KIF16B: variants seen among roughly 807,000 people sequenced by gnomAD.
The protein encoded by KIF16B is kinesin family member 16B.
In KIF16B, 98 loss-of-function variants were observed where a neutral mutation model predicts 156.3. The observed-to-expected ratio is 0.63, with a 90% CI of 0.53 to 0.74. The LOEUF (loss-of-function observed/expected upper bound fraction) is 0.74. Among genes scored for constraint, KIF16B ranks in the 30% least tolerant of loss-of-function variants. KIF16B has a pLI of 0.00. For missense variants in KIF16B, 1,421 were observed against 1,606.5 expected (o/e 0.88, Z 1.97); for synonymous variants, 564 against 583.7 (o/e 0.97, Z 0.49).
At chr20:16,324,882 C>T (rs1340393034) in intron 24 of KIF16B, among the ~76,000 whole-genome samples, 4 of 151,930 alleles carry the variant, frequency 2.6e-5, no homozygotes, top group Non-Finnish European at 5.9e-5. Flanking sequence ...CCCTGATGAA[C>T]ATAGATGCAA....
At chr20:16,433,128 A>G (rs1383562182) in intron 12 of KIF16B, among the ~76,000 whole-genome samples, 1 of 152,194 alleles carries the variant, frequency 6.6e-6, no homozygotes, top group African/African-American at 2.4e-5. Context: ...TTTTTTAAAG[A>G]CATATATTAC....
At chr20:16,431,308 C>A (rs933900486) in intron 12 of KIF16B, among the ~76,000 whole-genome samples, 11 of 152,188 alleles carry the variant, frequency 7.2e-5, no homozygotes, top group Admixed American at 3.3e-4. Flanking sequence ...AATAGCCTCC[C>A]ATTTCAGTGA....
At chr20:16,358,602 C>G (rs2064491218) in intron 22 of KIF16B, among the ~76,000 whole-genome samples, 1 of 152,228 alleles carries the variant, frequency 6.6e-6, no homozygotes, top group Admixed American at 6.5e-5. Context: ...ATTCCAACTA[C>G]ATGGGAGGGA....
chr20:16,541,683 G>A (rs1367850796), intron 1 of KIF16B, among the ~76,000 whole-genome samples: 1 of 152,228 alleles, frequency 6.6e-6, no homozygotes. Flanking sequence ...TGGGAGTATA[G>A]CAAGCAGGGT....
At chr20:16,367,970 A>C (rs971302996) in intron 22 of KIF16B, 2 of 1,439,558 alleles carry the variant, frequency 1.4e-6, no homozygotes. Context: ...ATGCTCATTG[A>C]GCCGAGATTA....
chr20:16,378,780 C>T (rs1366102028), intron 19 of KIF16B, 25 bp downstream of exon 19: 4 of 1,565,920 alleles, frequency 2.6e-6, no homozygotes, highest in Non-Finnish European at 2.6e-6. Context: ...CCACTGTATG[C>T]CACACCCTTC....
chr20:16,366,735 G>A, intron 22 of KIF16B: 1 of 564,130 alleles, frequency 1.8e-6, no homozygotes, highest in Non-Finnish European at 2.3e-6. Flanking sequence ...TGTCAATGAA[G>A]GTCACTGCTA....
At chr20:16,573,152 G>T in intron 1 of KIF16B, 77 bp downstream of exon 1, 1 of 1,398,224 alleles carries the variant, frequency 7.2e-7, no homozygotes, top group Non-Finnish European at 9.9e-7. Flanking sequence ...GTCCAGGCTG[G>T]CTTTGGGGGA....
intron 12 of KIF16B, among the ~76,000 whole-genome samples, chr20:16,479,381 G>A (rs1297135128): frequency 6.6e-6 from 1 of 152,066 alleles, no homozygotes; most frequent in Non-Finnish European, 1.5e-5. Context: ...CAGGGGGAGG[G>A]AGAGCATCAG....
chr20:16,430,084 C>T, intron 12 of KIF16B, 102 bp from the exon 13 acceptor site: 1 of 1,245,868 alleles, frequency 8.0e-7, no homozygotes. Context: ...TTTTATTTCT[C>T]ATCTAAAAAA....
intron 19 of KIF16B, 94 bp downstream of exon 19, chr20:16,378,711 T>TAAA: frequency 2.7e-6 from 3 of 1,119,804 alleles, no homozygotes; most frequent in Non-Finnish European, 3.7e-6. Flanking sequence ...AAGAATAAGT[T>TAAA]AAAAAAAAAA....
intron 25 of KIF16B, among the ~76,000 whole-genome samples, chr20:16,309,420 C>A (rs1166882365): frequency 6.6e-6 from 1 of 152,176 alleles, no homozygotes; most frequent in Non-Finnish European, 1.5e-5. Flanking sequence ...ATAACCAATG[C>A]TCCTTGCTCC....
At chr20:16,544,766 T>C (rs969509526) in intron 1 of KIF16B, among the ~76,000 whole-genome samples, 7 of 152,144 alleles carry the variant, frequency 4.6e-5, no homozygotes, top group Non-Finnish European at 1.0e-4. Flanking sequence ...TCCCCACCAG[T>C]GTACATGCTT....
In KIF16B at chr20:16,272,748, A is replaced by C. The variant is rs2122216239; in HGVS notation, c.*505T>G. 6.5e-6 allele frequency: 1 copy of C among 152,952 alleles called. No homozygotes were observed. 9.5% of individuals were successfully genotyped at this position (152,952 alleles called of 1,614,324 possible). Reference sequence around the variant, plus strand: ...AAGTTCTGATTCAAATGAGGGAAAAAAAGAAAAAAATACAATGAAATAATT... The same window carrying C: ...AAGTTCTGATTCAAATGAGGGAAAACAAGAAAAAAATACAATGAAATAATT... On this transcript the variant is annotated 3_prime_UTR_variant, in exon 26 of 26. Coordinates refer to ENST00000354981, the MANE Select transcript of KIF16B (RefSeq NM_024704.5).
chr20:16,433,889 G>A (rs1206457416), intron 12 of KIF16B, among the ~76,000 whole-genome samples: 1 of 152,110 alleles, frequency 6.6e-6, no homozygotes, highest in African/African-American at 2.4e-5. Context: ...GGCATCTACT[G>A]TTATACATAA....
At position 16,573,392 on chromosome 20, in the gene KIF16B, T is replaced by C. The variant is rs556723013; in HGVS notation, c.-117A>G. 1.2e-5 allele frequency: 14 copies of C among 1,165,492 alleles called. No individual in the cohort carries two copies. In the African/African-American group the frequency reaches 1.5e-4, roughly 13 times the overall value. The allele number at this position is 1,165,492 out of a possible 1,614,324, so 72.2% of individuals were successfully genotyped here. A position where few individuals can be genotyped will look rare whatever the true frequency, so the allele number is the denominator to read the frequency against. On this transcript the variant is annotated 5_prime_UTR_variant, in exon 1 of 26. Transcript: ENST00000354981. The stretch of plus-strand genomic sequence containing the variant: ...CACTTCCCTCTCGCCCCCGCCCCTC[T>C]GCTCCCGGCCGGACCTGGAGTTCCG...
chr20:16,368,869 C>G, intron 22 of KIF16B: 3 of 985,818 alleles, frequency 3.0e-6, no homozygotes, highest in Non-Finnish European at 2.4e-6. Context: ...GGACTTGACT[C>G]TCAAGCCATG....
intron 24 of KIF16B, among the ~76,000 whole-genome samples, chr20:16,320,006 C>A (rs1306632539): frequency 6.6e-6 from 1 of 152,122 alleles, no homozygotes; most frequent in East Asian, 1.9e-4. Context: ...GCAAACTACC[C>A]TAGGACTATA....
In KIF16B at chr20:16,496,379, A is replaced by C. The variant is rs537085698; in HGVS notation, c.1242+1234T>G. On this transcript the variant is annotated intron_variant, in intron 11 of 25. Transcript: ENST00000354981. ...ATTCAAGCAATTCTAGCTTAGAAAA[A>C]GTAAGCATGCCTTGGATTTATTTTA... 2.6e-5 allele frequency among the ~76,000 whole-genome samples: 4 copies of C among 152,258 alleles called. No individual in the cohort carries two copies. The South Asian group carries it at 8.3e-4, about 31-fold the overall frequency.
Sources: gnomAD v4.1 joint callset for allele counts (sites outside exome capture counted in the v4.1 genomes callset) on GRCh38, gnomAD v4.1.1 for gene constraint, MANE v1.5 for transcripts, NCBI Gene and HGNC (gene_info 2026-07-23, HGNC 2026-07-21) for gene names.